The following TRPC5 variants were observed in gnomAD, a reference collection of about 807,000 sequenced individuals.
TRPC5 encodes transient receptor potential cation channel subfamily C member 5.
TRPC5 carries 9 observed loss-of-function variants against 56.5 expected under a neutral mutation model. The observed-to-expected ratio is 0.16, with a 90% CI of 0.10 to 0.28. The LOEUF (loss-of-function observed/expected upper bound fraction) is 0.28, where lower values mean the gene tolerates loss of function less well. Among genes scored for constraint, TRPC5 ranks in the 10% least tolerant of loss-of-function variants. The pLI, the probability that TRPC5 is intolerant of heterozygous loss-of-function variation, is 1.00. For missense variants in TRPC5, 469 were observed against 748.9 expected (o/e 0.63, Z 4.36); for synonymous variants, 282 against 278.5 (o/e 1.01, Z -0.13).
At chrX:111,954,324 C>T (rs754414069) in intron 1 of TRPC5, among the ~76,000 whole-genome samples, 1 of 112,005 alleles carries the variant, frequency 8.9e-6, no homozygotes, top group East Asian at 2.8e-4. Context: ...CTGCTAGCCC[C>T]TGCTAGGGGA....
chrX:111,825,146 CCTTTCTTTCTTTCTTTCTTTCTTTCTTT>C lies in TRPC5; in HGVS notation c.1896+9747_1896+9774del, dbSNP rs570710450. On this transcript the variant is annotated intron_variant, in intron 7 of 10. Transcript: ENST00000262839. ...CTTTCTTTTCCTTCCTTCCTTCCTT[CCTTTCTTTCTTTCTTTCTTTCTTTCTTT>C]CTTTCTTTCTTTCTTTCTTTCTTTC... Among the ~76,000 whole-genome samples, 59 of 59,387 alleles carry C rather than the reference CCTTTCTTTCTTTCTTTCTTTCTTTCTTT, an allele frequency of 9.9e-4. 1 individual carries two copies. The highest frequency in any genetic ancestry group is 2.9e-3 in the East Asian group (5 of 1,727). The allele number at this position is 59,387 out of a possible 115,157, so 51.6% of individuals were successfully genotyped here.
rs757762680 is a variant in TRPC5 at position 111,779,292 on chromosome X, A to T, written c.2143-218T>A. Reference sequence around the variant, plus strand: ...AGAATCAAATTAACCCTAAAGGAAAATTTTTTACCCAAGCATAAGGTAAAC... The same window carrying T: ...AGAATCAAATTAACCCTAAAGGAAATTTTTTTACCCAAGCATAAGGTAAAC... On this transcript the variant is annotated intron_variant, in intron 9 of 10. Transcript: ENST00000262839. Among the ~76,000 whole-genome samples, 65 of 111,823 alleles carry T rather than the reference A, an allele frequency of 5.8e-4. No individual in the cohort carries two copies. In the Middle Eastern group the frequency reaches 0.014, roughly 24 times the overall value.
chrX:111,773,395 A>G lies in TRPC5; in HGVS notation c.*2918T>C, dbSNP rs1053261767. 8.9e-6 allele frequency among the ~76,000 whole-genome samples: 1 copy of G among 111,976 alleles called. No homozygotes were observed. Among genetic ancestry groups the G allele is most frequent in the African/African-American group, 3.2e-5 (1 of 30,803 alleles). On this transcript the variant is annotated 3_prime_UTR_variant, in exon 11 of 11. Coordinates refer to ENST00000262839, the MANE Select transcript of TRPC5 (RefSeq NM_012471.3). ...AATGAATCCAAGGTGTCCGGAAGTG[A>G]TAAGCCAACTGTAATGTAGGTGGAA...
intron 2 of TRPC5, among the ~76,000 whole-genome samples, chrX:111,918,871 G>A (rs116146763): frequency 0.012 from 1,318 of 111,080 alleles, 16 homozygotes; most frequent in African/African-American, 0.04. Flanking sequence ...TAGAGTGAAT[G>A]TGGAGGTCAG....
At chrX:111,924,670 G>A (rs1926212872) in intron 2 of TRPC5, among the ~76,000 whole-genome samples, 1 of 112,239 alleles carries the variant, frequency 8.9e-6, no homozygotes, top group Non-Finnish European at 1.9e-5. Context: ...GGAGGATAAG[G>A]GTTGAAAGAA....
intron 1 of TRPC5, among the ~76,000 whole-genome samples, chrX:112,017,930 A>G (rs12010875): frequency 0.099 from 11,116 of 112,161 alleles, 596 homozygotes; most frequent in African/African-American, 0.2. Flanking sequence ...CATAGTAAGT[A>G]TAAAATACAG....
rs1293685169 is a variant in TRPC5, at chrX:111,912,645, C to A, written c.546G>T (p.Val182=). Residue 182 remains valine (V), a synonymous_variant, in exon 3 of 11, where the codon GTG becomes GTT. Coordinates refer to ENST00000262839, the MANE Select transcript of TRPC5 (RefSeq NM_012471.3). ...GCAGGCTGTCTACCTCTGAACTAGA[C>A]ACACACTCCACACAGTTGCAGCGGA... ...HQIRCNCVEC[V]SSSEVDSLRH... The A allele has an allele frequency of 8.3e-7, 1 of 1,209,128 alleles. No homozygotes were observed. The highest frequency in any genetic ancestry group is 2.2e-5 in the Admixed American group (1 of 45,633).
At chrX:111,862,878 G>A (rs1183022347) in intron 3 of TRPC5, among the ~76,000 whole-genome samples, 2 of 111,529 alleles carry the variant, frequency 1.8e-5, no homozygotes, top group African/African-American at 6.5e-5. Context: ...GTTTTTTTCA[G>A]TGTACAAGTC....
intron 1 of TRPC5, among the ~76,000 whole-genome samples, chrX:112,013,286 G>A (rs1027516050): frequency 1.6e-4 from 18 of 111,655 alleles, no homozygotes; most frequent in Admixed American, 1.6e-3. Context: ...AAGTAGCTGG[G>A]ACTATAGGCG....
At chrX:111,795,454 A>G (rs184588247) in intron 7 of TRPC5, among the ~76,000 whole-genome samples, 1 of 111,048 alleles carries the variant, frequency 9.0e-6, no homozygotes, top group African/African-American at 3.3e-5. Context: ...GTTACTTTGC[A>G]TTCCACAGAT....
At chrX:111,824,850 C>T (rs1466854669) in intron 7 of TRPC5, among the ~76,000 whole-genome samples, 1 of 112,009 alleles carries the variant, frequency 8.9e-6, no homozygotes, top group Non-Finnish European at 1.9e-5. Flanking sequence ...GCAGAGAAGA[C>T]TGAAGCCAAT....
intron 7 of TRPC5, among the ~76,000 whole-genome samples, chrX:111,817,246 C>G (rs774021456): frequency 9.0e-6 from 1 of 110,974 alleles, no homozygotes; most frequent in Non-Finnish European, 1.9e-5. Context: ...ACTAGACAGC[C>G]AGTACCTCAT....
At chrX:111,898,845 G>A (rs1925198807) in intron 3 of TRPC5, among the ~76,000 whole-genome samples, 1 of 110,098 alleles carries the variant, frequency 9.1e-6, no homozygotes, top group South Asian at 4.0e-4. Context: ...GTAGATATCA[G>A]AATGACACGA....
intron 2 of TRPC5, among the ~76,000 whole-genome samples, chrX:111,936,030 T>C (rs752546937): frequency 4.5e-5 from 5 of 112,307 alleles, no homozygotes; most frequent in Non-Finnish European, 9.4e-5. Context: ...GCATTTAATC[T>C]ATAGATTGCA....
At chrX:111,809,566 A>C (rs1002031229) in intron 7 of TRPC5, among the ~76,000 whole-genome samples, 11 of 111,992 alleles carry the variant, frequency 9.8e-5, no homozygotes, top group Non-Finnish European at 3.8e-5. Context: ...GGAATGCGTG[A>C]CTGTCTTTTC....
chrX:111,911,145 G>A (rs1292429061), intron 3 of TRPC5, among the ~76,000 whole-genome samples: 1 of 104,343 alleles, frequency 9.6e-6, no homozygotes, highest in Non-Finnish European at 2.0e-5. Context: ...TTTTGCCTGA[G>A]AAAAAGGGAC....
At chrX:111,825,191 CT>C (rs1381838304) in intron 7 of TRPC5, among the ~76,000 whole-genome samples, 9 of 82,773 alleles carry the variant, frequency 1.1e-4, no homozygotes, top group East Asian at 3.6e-4. Flanking sequence ...TTCTTTCTTT[CT>C]TTCTTTCTTT....
intron 3 of TRPC5, among the ~76,000 whole-genome samples, chrX:111,856,061 C>T (rs1001363611): frequency 2.7e-5 from 3 of 111,019 alleles, no homozygotes; most frequent in Non-Finnish European, 3.8e-5. Flanking sequence ...GAGAGTAAAC[C>T]GCCAGAGCAG....
At chrX:111,838,393 T>C (rs1922630872) in intron 6 of TRPC5, among the ~76,000 whole-genome samples, 1 of 110,547 alleles carries the variant, frequency 9.0e-6, no homozygotes, top group Non-Finnish European at 1.9e-5. Flanking sequence ...GTGAGACATC[T>C]GCTGGAGGTT....
Sources: allele counts gnomAD v4.1 joint callset (sites outside exome capture counted in the v4.1 genomes callset), GRCh38; gene constraint gnomAD v4.1.1; transcripts MANE v1.5; gene names NCBI Gene and HGNC (gene_info 2026-07-23, HGNC 2026-07-21).